Variants in PCNX2 observed in about 807,000 individuals in gnomAD.
The protein encoded by PCNX2 is pecanex-like protein 2.
A neutral mutation model predicts 223.8 loss-of-function variants in PCNX2; 168 were observed. The observed-to-expected ratio is 0.75, with a 90% CI of 0.66 to 0.85. PCNX2 has a LOEUF of 0.85. PCNX2 is among the 40% of genes least tolerant of loss of function. PCNX2 has a pLI of 0.00. For missense variants in PCNX2, 2,507 were observed against 2,675.5 expected, an observed-to-expected ratio of 0.94 and a Z score of 1.39; for synonymous variants, 1,006 against 1,052.6, an observed-to-expected ratio of 0.96 and a Z score of 0.86.
Position 233,001,682 on chromosome 1 carries a change from C to G in PCNX2, c.4953-1G>C. The G allele has an allele frequency of 2.6e-6, 4 of 1,567,404 alleles. No individual in the cohort carries two copies. The highest frequency in any genetic ancestry group is 1.7e-6 in the Non-Finnish European group (2 of 1,155,580). On this transcript the variant is annotated splice_acceptor_variant, in intron 28 of 33. Transcript: ENST00000258229. LOFTEE classifies it high-confidence loss of function. This position sits in a 1 kb window ranked among gnomAD's most constrained non-coding sequence, Gnocchi z 4.2. ...GAGGCCATACAGGAAAGAATCCAGG[C>G]TGCAAAACAAAGTCCTATTACTATG... is the stretch of plus-strand genomic sequence containing the variant.
At chr1:233,218,235 G>GT in intron 10 of PCNX2, 51 bp from the exon 11 acceptor site, 1 of 645,400 alleles carries the variant, frequency 1.5e-6, no homozygotes, top group Non-Finnish European at 2.2e-6. Flanking sequence ...AAAAAAAAGT[G>GT]TAAGTTTTGC....
chr1:233,280,400 T>G (rs1044752472), intron 1 of PCNX2, among the ~76,000 whole-genome samples: 2 of 151,252 alleles, frequency 1.3e-5, no homozygotes, highest in Admixed American at 6.6e-5. Flanking sequence ...TGGGTTCAAG[T>G]GATTCTCGTG....
intron 10 of PCNX2, among the ~76,000 whole-genome samples, chr1:233,224,180 T>A (rs1479254199): frequency 6.6e-6 from 1 of 152,228 alleles, no homozygotes. Flanking sequence ...GAAGGGCAAC[T>A]TCTTATTTCA....
chr1:233,054,992 T>C (rs987536575), intron 24 of PCNX2, among the ~76,000 whole-genome samples: 2 of 152,184 alleles, frequency 1.3e-5, no homozygotes, highest in Non-Finnish European at 2.9e-5. Context: ...CTGTTGTATA[T>C]ATGAGTGTGT....
At position 233,252,383 on chromosome 1, in the gene PCNX2, T is replaced by G. The variant is rs772538960; in HGVS notation, c.2099A>C (p.Asp700Ala). Reference protein sequence around the residue: ...ETSVQEEISVDAMHVFIDEHG... With the variant: ...ETSVQEEISVAAMHVFIDEHG... ...TTCATCAATGAAGACATGCATAGCA[T>G]CCACAGATATCTCTTCTTGTACAGA... Residue 700 changes from aspartate (D) to alanine (A), a missense_variant, in exon 7 of 34, where the codon GAT becomes GCT. Asp to Ala is a moderately radical substitution (Grantham distance 126). Coordinates refer to ENST00000258229, the MANE Select transcript of PCNX2 (RefSeq NM_014801.4). The G allele has an allele frequency of 4.3e-6, 7 of 1,611,948 alleles. No homozygotes were observed. The highest frequency in any genetic ancestry group is 5.9e-6 in the Non-Finnish European group (7 of 1,178,426).
intron 25 of PCNX2, among the ~76,000 whole-genome samples, chr1:233,027,771 CT>C (rs1460806823): frequency 2.6e-5 from 4 of 152,134 alleles, no homozygotes; most frequent in Non-Finnish European, 1.5e-5. Flanking sequence ...TCCCCTCTTC[CT>C]TTTAAAAATG....
intron 25 of PCNX2, among the ~76,000 whole-genome samples, chr1:233,053,234 G>T (rs891638088): frequency 1.3e-5 from 2 of 151,938 alleles, no homozygotes; most frequent in African/African-American, 4.8e-5. Context: ...GCAAGCGCTG[G>T]TCAGCCCTAG....
chr1:233,132,214 C>A (rs1019178774), intron 21 of PCNX2, among the ~76,000 whole-genome samples: 3 of 152,118 alleles, frequency 2.0e-5, no homozygotes, highest in Non-Finnish European at 4.4e-5. Context: ...CTACCCTCCT[C>A]GGCATCCCAA....
Position 232,984,317 on chromosome 1 carries a change from G to C in PCNX2, c.6401C>G (p.Ser2134Ter), listed in dbSNP as rs911597724. 9.3e-6 allele frequency: 15 copies of C among 1,607,942 alleles called. No homozygotes were observed. The highest frequency in any genetic ancestry group is 1.3e-5 in the African/African-American group (1 of 74,736). The stretch of plus-strand genomic sequence containing the variant: ...GCCGCACGCCCGTCACTGCTCGTCT[G>C]ACACACTTTGCTGCGAGGCCGTGTC... ...LDDTASQQSV[S>*]DEQ is the part of the protein sequence containing the mutation. Residue 2134 changes from serine to a stop codon, truncating the protein, a stop_gained, in exon 34 of 34, where the codon TCA becomes TGA. Transcript: ENST00000258229. LOFTEE classifies it high-confidence loss of function.
chr1:233,195,016 C>CAAAA (rs574552463), intron 15 of PCNX2, among the ~76,000 whole-genome samples: 3 of 63,368 alleles, frequency 4.7e-5, no homozygotes, highest in Non-Finnish European at 7.2e-5. Context: ...GATTCCATCT[C>CAAAA]AAAAAAAAAA....
intron 25 of PCNX2, chr1:233,033,055 A>C (rs1426257128): frequency 1.0e-6 from 1 of 985,334 alleles, no homozygotes; most frequent in Admixed American, 6.1e-5. Flanking sequence ...GGAAATGCTG[A>C]AGGTCAACCC....
chr1:233,063,867 T>TTGAC (rs961647436), intron 23 of PCNX2, among the ~76,000 whole-genome samples: 15 of 152,178 alleles, frequency 9.9e-5, no homozygotes, highest in Admixed American at 6.5e-5. Context: ...TTTTCTTAGA[T>TTGAC]TGACTGCTTT....
chr1:233,122,975 C>T (rs979840090), intron 21 of PCNX2, among the ~76,000 whole-genome samples: 4 of 152,182 alleles, frequency 2.6e-5, no homozygotes, highest in African/African-American at 9.7e-5. Context: ...CTCCTCAAAA[C>T]TGTCAAGTCA....
intron 21 of PCNX2, among the ~76,000 whole-genome samples, chr1:233,096,337 G>A (rs187045059): frequency 2.9e-4 from 44 of 152,304 alleles, no homozygotes; most frequent in Non-Finnish European, 4.3e-4. Context: ...GCTAAGACAG[G>A]ATATGAAGCT....
the PCNX2 span, among the ~76,000 whole-genome samples, chr1:233,326,310 A>G: frequency 6.6e-6 from 1 of 152,230 alleles, no homozygotes; most frequent in Non-Finnish European, 1.5e-5. Context: ...TAGATTACTT[A>G]TAATACCTAA....
At chr1:233,068,607 T>C (rs1672719343) in intron 23 of PCNX2, among the ~76,000 whole-genome samples, 3 of 152,092 alleles carry the variant, frequency 2.0e-5, no homozygotes, top group African/African-American at 7.2e-5. Flanking sequence ...ATGAAAAGAC[T>C]TCTACACTTC....
chr1:233,287,430 T>C (rs1558427585), intron 1 of PCNX2, among the ~76,000 whole-genome samples: 1 of 152,174 alleles, frequency 6.6e-6, no homozygotes, highest in Admixed American at 6.5e-5. Flanking sequence ...GGGAGGTAAT[T>C]GAGCCATGAG....
intron 21 of PCNX2, among the ~76,000 whole-genome samples, chr1:233,132,090 C>A (rs1380099837): frequency 6.6e-6 from 1 of 152,080 alleles, no homozygotes; most frequent in Non-Finnish European, 1.5e-5. Flanking sequence ...GCACCCGCCA[C>A]CACGCCCGGC....
chr1:233,068,531 AG>A (rs1487569909), intron 23 of PCNX2, among the ~76,000 whole-genome samples: 6 of 152,166 alleles, frequency 3.9e-5, no homozygotes, highest in African/African-American at 1.4e-4. Context: ...TTGTCAATAT[AG>A]TTCTAAGTGT....
Sources: gnomAD v4.1 joint callset for allele counts (sites outside exome capture counted in the v4.1 genomes callset) on GRCh38, gnomAD v4.1.1 for gene constraint, Gnocchi (gnomAD v3.1) non-coding constraint, MANE v1.5 for transcripts, NCBI Gene and HGNC (gene_info 2026-07-23, HGNC 2026-07-21) for gene names.